The following MSRA variants were observed in gnomAD, a reference collection of about 807,000 sequenced individuals.
The protein encoded by MSRA is methionine sulfoxide reductase A, also known as mitochondrial peptide methionine sulfoxide reductase.
Under a neutral mutation model 31.3 loss-of-function variants are expected in MSRA, and 54 were observed. The ratio of observed to expected loss-of-function variants is 1.73; its 90% CI spans 1.39 to 2.17. The LOEUF (loss-of-function observed/expected upper bound fraction) is 2.17, where lower values mean the gene tolerates loss of function less well. MSRA is among the 30% of genes most tolerant of loss of function. MSRA has a pLI of 0.00. For synonymous variants in MSRA, 169 were observed against 116.5 expected (o/e 1.45, Z -2.90); for missense variants, 507 against 300.9 (o/e 1.69, Z -5.07).
chr8:10,077,094 G>A (rs1280325626), intron 1 of MSRA, among the ~76,000 whole-genome samples: 1 of 151,106 alleles, frequency 6.6e-6, no homozygotes. Flanking sequence ...AAGTTTATGT[G>A]GAAAAAGTAG....
intron 3 of MSRA, among the ~76,000 whole-genome samples, chr8:10,285,023 C>CT (rs1799858971): frequency 1.5e-5 from 1 of 66,830 alleles, no homozygotes; most frequent in Non-Finnish European, 3.1e-5. Flanking sequence ...ATCTTTTTTT[C>CT]TTTAAAAAAA....
At chr8:10,315,182 G>A (rs1801643037) in intron 4 of MSRA, among the ~76,000 whole-genome samples, 1 of 152,182 alleles carries the variant, frequency 6.6e-6, no homozygotes, top group Non-Finnish European at 1.5e-5. Context: ...CCTCCCACCA[G>A]GTTTTTCCCA....
intron 3 of MSRA, among the ~76,000 whole-genome samples, chr8:10,258,469 T>A (rs1402476457): frequency 6.6e-6 from 1 of 152,108 alleles, no homozygotes; most frequent in Non-Finnish European, 1.5e-5. Flanking sequence ...ATCTCCCTAT[T>A]CTTGTGACAC....
chr8:10,285,683 A>G (rs1211276005), intron 3 of MSRA, among the ~76,000 whole-genome samples: 1 of 147,516 alleles, frequency 6.8e-6, no homozygotes, highest in Non-Finnish European at 1.5e-5. Flanking sequence ...TAACCACTCT[A>G]CTCTCTACTT....
intron 1 of MSRA, among the ~76,000 whole-genome samples, chr8:10,160,791 G>A (rs550575078): frequency 2.0e-5 from 3 of 152,250 alleles, no homozygotes; most frequent in South Asian, 4.1e-4. Context: ...GCCTCCCAAA[G>A]TGCTGGGATT....
At chr8:10,176,320 G>A (rs917581385) in intron 1 of MSRA, among the ~76,000 whole-genome samples, 4 of 152,142 alleles carry the variant, frequency 2.6e-5, no homozygotes, top group Non-Finnish European at 5.9e-5. Flanking sequence ...CCTCAGAGAT[G>A]CCAGCTCTGT....
At chr8:10,386,941 G>T (rs1289138134) in intron 5 of MSRA, among the ~76,000 whole-genome samples, 1 of 151,834 alleles carries the variant, frequency 6.6e-6, no homozygotes. Context: ...CATGGGATCG[G>T]CTGAACTGCA....
chr8:10,153,969 A>G (rs1228971226), intron 1 of MSRA, among the ~76,000 whole-genome samples: 3 of 152,220 alleles, frequency 2.0e-5, no homozygotes, highest in Admixed American at 1.3e-4. Flanking sequence ...AAATTTGACA[A>G]TTTTCATGTG....
At chr8:10,219,793 G>A (rs889006860) in intron 2 of MSRA, among the ~76,000 whole-genome samples, 12 of 86,994 alleles carry the variant, frequency 1.4e-4, no homozygotes, top group African/African-American at 6.1e-4. Flanking sequence ...ACGACAGATC[G>A]AGACTCTGTC....
chr8:10,236,070 C>T (rs1738730595), intron 2 of MSRA, among the ~76,000 whole-genome samples: 1 of 152,064 alleles, frequency 6.6e-6, no homozygotes, highest in Admixed American at 6.5e-5. Context: ...TGTTAATATT[C>T]AGAACTCATG....
At chr8:10,399,836 C>T (rs903579970) in intron 5 of MSRA, among the ~76,000 whole-genome samples, 12 of 152,114 alleles carry the variant, frequency 7.9e-5, no homozygotes, top group East Asian at 3.9e-4. Flanking sequence ...ACTAACAAAC[C>T]GCAAGGATTT....
chr8:10,111,140 G>A (rs929759812), intron 1 of MSRA, among the ~76,000 whole-genome samples: 1 of 152,126 alleles, frequency 6.6e-6, no homozygotes, highest in African/African-American at 2.4e-5. Context: ...CCAGGGACGG[G>A]GTGGATCAAC....
rs185692097 is a variant in MSRA at position 10,346,057 on chromosome 8, A to G, written c.543+26068A>G. On this transcript the variant is annotated intron_variant, in intron 5 of 5. Transcript: ENST00000317173. ...CTCATTGTATTGTGTTTATGTGTAC[A>G]TGTTTGTGAGGGCAGCTCAACTGTG... is the stretch of plus-strand genomic sequence containing the variant. Among the ~76,000 whole-genome samples, 4 of 152,194 alleles carry G rather than the reference A, an allele frequency of 2.6e-5. No homozygotes were observed. In the East Asian group the frequency reaches 5.8e-4, roughly 22 times the overall value.
At chr8:10,406,782 G>A (rs1193682809) in intron 5 of MSRA, among the ~76,000 whole-genome samples, 1 of 152,196 alleles carries the variant, frequency 6.6e-6, no homozygotes, top group Non-Finnish European at 1.5e-5. Flanking sequence ...CATGTTGTTT[G>A]GCCCACTTTC....
chr8:10,080,873 C>G (rs1798258724), intron 1 of MSRA, among the ~76,000 whole-genome samples: 1 of 152,128 alleles, frequency 6.6e-6, no homozygotes, highest in Admixed American at 6.5e-5. Context: ...AATTTGTTTA[C>G]AGCTTTTCTT....
intron 5 of MSRA, among the ~76,000 whole-genome samples, chr8:10,326,253 C>T (rs1021580772): frequency 2.0e-5 from 3 of 152,192 alleles, no homozygotes; most frequent in African/African-American, 2.4e-5. Context: ...TTGCTTACCA[C>T]AGAGCAGCCA....
intron 1 of MSRA, among the ~76,000 whole-genome samples, chr8:10,133,953 C>T (rs1397955587): frequency 6.6e-6 from 1 of 152,120 alleles, no homozygotes; most frequent in Non-Finnish European, 1.5e-5. Context: ...TTCTCAGCCT[C>T]CTGAGTAGCT....
At chr8:10,284,636 C>A (rs1297940206) in intron 3 of MSRA, among the ~76,000 whole-genome samples, 1 of 152,158 alleles carries the variant, frequency 6.6e-6, no homozygotes, top group Non-Finnish European at 1.5e-5. Context: ...TGGAGTGGCT[C>A]CTCATCTTCC....
chr8:10,117,555 C>G (rs569329222), intron 1 of MSRA, among the ~76,000 whole-genome samples: 7 of 152,224 alleles, frequency 4.6e-5, no homozygotes, highest in African/African-American at 1.4e-4. Flanking sequence ...TAGAATGAAT[C>G]CTAGCTGTTG....
Sources: gnomAD v4.1 joint callset for allele counts (sites outside exome capture counted in the v4.1 genomes callset) on GRCh38, gnomAD v4.1.1 for gene constraint, MANE v1.5 for transcripts, NCBI Gene and HGNC (gene_info 2026-07-23, HGNC 2026-07-21) for gene names.